Variants in BCL7C observed in about 807,000 individuals in gnomAD.
BCL7C encodes the protein B-cell CLL/lymphoma 7 protein family member C.
A neutral mutation model predicts 26.2 loss-of-function variants in BCL7C; 8 were observed. The observed-to-expected ratio is 0.30, with a 90% CI of 0.18 to 0.55. The LOEUF (loss-of-function observed/expected upper bound fraction) is 0.55. Ranked by LOEUF, BCL7C falls within the 20% of genes least tolerant of loss-of-function variation. The probability of loss-of-function intolerance (pLI) is 0.93; values close to 1 mark genes in which losing one functional copy is unlikely to be tolerated. For missense variants in BCL7C, 262 were observed against 298.5 expected (o/e 0.88, Z 0.90); for synonymous variants, 90 against 116.5 (o/e 0.77, Z 1.47).
At chr16:30,877,637 C>T (rs1335279363) in intron 5 of BCL7C, among the ~76,000 whole-genome samples, 1 of 150,882 alleles carries the variant, frequency 6.6e-6, no homozygotes, top group Non-Finnish European at 1.5e-5. Flanking sequence ...GATGGGGTTT[C>T]ACCGTGTTAG....
chr16:30,869,052 T>C (rs1263641265), intron 5 of BCL7C, among the ~76,000 whole-genome samples: 1 of 151,786 alleles, frequency 6.6e-6, no homozygotes, highest in African/African-American at 2.4e-5. Flanking sequence ...GCCATGAATC[T>C]AATTTTTTCA....
chr16:30,863,133 T>G (rs2054792742), intron 5 of BCL7C, among the ~76,000 whole-genome samples: 1 of 151,994 alleles, frequency 6.6e-6, no homozygotes, highest in Non-Finnish European at 1.5e-5. Context: ...TCACTCCACT[T>G]CCCCATATTT....
At chr16:30,868,428 C>T (rs1253031214) in intron 5 of BCL7C, among the ~76,000 whole-genome samples, 1 of 149,586 alleles carries the variant, frequency 6.7e-6, no homozygotes, top group East Asian at 2.0e-4. Flanking sequence ...TGAGTCACCG[C>T]ACCCCGCCAA....
chr16:30,870,683 T>TTAAA (rs371801397), intron 5 of BCL7C, among the ~76,000 whole-genome samples: 5 of 151,642 alleles, frequency 3.3e-5, no homozygotes, highest in African/African-American at 4.9e-5. Context: ...TAAAATAAAA[T>TTAAA]TAAATAAATA....
intron 5 of BCL7C, among the ~76,000 whole-genome samples, chr16:30,836,169 G>A (rs767090169): frequency 2.0e-5 from 3 of 152,096 alleles, no homozygotes; most frequent in Non-Finnish European, 2.9e-5. Context: ...CACGAGAATC[G>A]CTTGAGCCTG....
chr16:30,868,814 A>T (rs553942380), intron 5 of BCL7C, among the ~76,000 whole-genome samples: 1 of 152,164 alleles, frequency 6.6e-6, no homozygotes, highest in Non-Finnish European at 1.5e-5. Context: ...CAGCAACAAC[A>T]AAGAAAAAGA....
chr16:30,834,839 G>A lies in BCL7C; in HGVS notation c.*109C>T. 1.8e-6 allele frequency: 2 copies of A among 1,129,388 alleles called. No individual in the cohort carries two copies. The highest frequency in any genetic ancestry group is 2.4e-6 in the Non-Finnish European group (2 of 816,892). 70.0% of individuals were successfully genotyped at this position (1,129,388 alleles called of 1,614,324 possible). On this transcript the variant is annotated 3_prime_UTR_variant, in exon 6 of 6. Transcript: ENST00000380317. This position sits in a 1 kb window ranked among gnomAD's most constrained non-coding sequence, Gnocchi z 4.3. ...GGGCCGCTCGCCCTCCGATGTTACC[G>A]CGGTGGGTGAGCTGGGAAGCTCTTT...
chr16:30,889,478 C>T (rs2143156256), intron 4 of BCL7C, among the ~76,000 whole-genome samples: 2 of 152,180 alleles, frequency 1.3e-5, no homozygotes, highest in South Asian at 4.1e-4. Flanking sequence ...TCAGGGTTTT[C>T]TTTTTGTGTG....
downstream of BCL7C, among the ~76,000 whole-genome samples, chr16:30,886,272 C>T (rs532037271): frequency 8.5e-5 from 13 of 152,250 alleles, no homozygotes; most frequent in Admixed American, 2.6e-4. Context: ...TTATATTACT[C>T]GAAGCTTCCC....
At chr16:30,848,601 G>A (rs1205315971) in intron 5 of BCL7C, among the ~76,000 whole-genome samples, 1 of 151,920 alleles carries the variant, frequency 6.6e-6, no homozygotes, top group African/African-American at 2.4e-5. Context: ...TGAAAGTAGG[G>A]TATTGAGGCC....
intron 5 of BCL7C, among the ~76,000 whole-genome samples, chr16:30,872,995 A>T (rs2143026083): frequency 6.6e-6 from 1 of 152,288 alleles, no homozygotes; most frequent in East Asian, 1.9e-4. Flanking sequence ...CCATCTTCCC[A>T]ACCTCTGACA....
intron 5 of BCL7C, chr16:30,835,191 C>A: frequency 7.1e-7 from 1 of 1,409,278 alleles, no homozygotes; most frequent in Non-Finnish European, 9.4e-7. Context: ...TTCCTCTTCT[C>A]CCCACCTCAC....
intron 5 of BCL7C, among the ~76,000 whole-genome samples, chr16:30,859,870 C>T (rs548214673): frequency 6.6e-6 from 1 of 152,330 alleles, no homozygotes; most frequent in East Asian, 1.9e-4. Flanking sequence ...CACACAAATG[C>T]ACATGACATT....
intron 5 of BCL7C, among the ~76,000 whole-genome samples, chr16:30,854,007 G>A (rs2054698896): frequency 6.6e-6 from 1 of 152,166 alleles, no homozygotes; most frequent in Admixed American, 6.5e-5. Context: ...AGTCTAAGCA[G>A]GGTTCTTGAT....
intron 5 of BCL7C, among the ~76,000 whole-genome samples, chr16:30,862,135 C>G (rs913612592): frequency 7.2e-5 from 11 of 151,780 alleles, no homozygotes; most frequent in African/African-American, 2.7e-4. Flanking sequence ...CGCGCCCGGC[C>G]TGGACAACAT....
At chr16:30,862,945 T>C (rs2054791194) in intron 5 of BCL7C, among the ~76,000 whole-genome samples, 1 of 152,146 alleles carries the variant, frequency 6.6e-6, no homozygotes, top group Admixed American at 6.6e-5. Context: ...CCAACCCTTT[T>C]TGATTACACA....
downstream of BCL7C, among the ~76,000 whole-genome samples, chr16:30,886,287 A>C (rs551291313): frequency 4.6e-5 from 7 of 152,022 alleles, no homozygotes; most frequent in South Asian, 1.5e-3. Flanking sequence ...CTTCCCACAA[A>C]CCCCTGGGGC....
chr16:30,851,896 G>A, intron 5 of BCL7C: 1 of 218,378 alleles, frequency 4.6e-6, no homozygotes, highest in South Asian at 1.1e-4. Context: ...CGTTGTTGTT[G>A]CATAGAATAA....
At chr16:30,842,390 A>G (rs1161809277) in intron 5 of BCL7C, among the ~76,000 whole-genome samples, 2 of 152,212 alleles carry the variant, frequency 1.3e-5, no homozygotes, top group East Asian at 3.8e-4. Context: ...GCTAAAGAGC[A>G]CACTGGCCAC....
Sources: allele counts gnomAD v4.1 joint callset (sites outside exome capture counted in the v4.1 genomes callset), GRCh38; gene constraint gnomAD v4.1.1; non-coding constraint Gnocchi (gnomAD v3.1); transcripts MANE v1.5; gene names NCBI Gene and HGNC (gene_info 2026-07-23, HGNC 2026-07-21).